The following FAM110B variants were observed in gnomAD, a reference collection of about 807,000 sequenced individuals.
FAM110B encodes the protein protein FAM110B.
In FAM110B, 6 loss-of-function variants were observed where a neutral mutation model predicts 20.4. The ratio of observed to expected loss-of-function variants is 0.29; its 90% CI spans 0.16 to 0.58. FAM110B has a LOEUF of 0.58. Ranked by LOEUF, FAM110B falls within the 20% of genes least tolerant of loss-of-function variation. The pLI, the probability that FAM110B is intolerant of heterozygous loss-of-function variation, is 0.90. For synonymous variants in FAM110B, 226 were observed against 214.1 expected, an observed-to-expected ratio of 1.06 and a Z score of -0.49; for missense variants, 434 against 498.2, an observed-to-expected ratio of 0.87 and a Z score of 1.23.
chr8:58,076,388 GA>G (rs1336549710), intron 3 of FAM110B, among the ~76,000 whole-genome samples: 1 of 152,186 alleles, frequency 6.6e-6, no homozygotes, highest in Non-Finnish European at 1.5e-5. Context: ...CAAGAGAGCA[GA>G]ACTTAAATTC....
At chr8:58,140,226 C>G (rs991225718) in intron 3 of FAM110B, among the ~76,000 whole-genome samples, 1 of 152,158 alleles carries the variant, frequency 6.6e-6, no homozygotes, top group Non-Finnish European at 1.5e-5. Flanking sequence ...TGCATCCTGT[C>G]TGTCTCCCAG....
intron 2 of FAM110B, among the ~76,000 whole-genome samples, chr8:58,052,232 C>G (rs1406166293): frequency 2.0e-5 from 3 of 152,142 alleles, no homozygotes; most frequent in Non-Finnish European, 2.9e-5. Flanking sequence ...TGCAGTGGAA[C>G]TTGAAATGAA....
chr8:58,098,022 A>G (rs1563369209), intron 3 of FAM110B, among the ~76,000 whole-genome samples: 1 of 152,232 alleles, frequency 6.6e-6, no homozygotes, highest in Admixed American at 6.5e-5. Context: ...CACGGGGGTC[A>G]GGGACCCACT....
chr8:58,137,379 G>A (rs2150639429), intron 3 of FAM110B, among the ~76,000 whole-genome samples: 1 of 152,258 alleles, frequency 6.6e-6, no homozygotes, highest in African/African-American at 2.4e-5. Context: ...GGCCAACATG[G>A]TAAAACCCCG....
chr8:58,044,470 A>G (rs16922937), intron 2 of FAM110B, among the ~76,000 whole-genome samples: 10,580 of 152,278 alleles, frequency 0.069, 544 homozygotes, highest in African/African-American at 0.14. Flanking sequence ...AAAATATGTT[A>G]TGTAGGAAAT....
At chr8:58,095,096 T>A (rs1806588028) in intron 3 of FAM110B, among the ~76,000 whole-genome samples, 1 of 152,286 alleles carries the variant, frequency 6.6e-6, no homozygotes, top group Admixed American at 6.5e-5. Context: ...GGTGGTGATA[T>A]CCCCTTTATC....
chr8:58,042,582 A>C (rs1805243546), intron 2 of FAM110B, among the ~76,000 whole-genome samples: 1 of 152,226 alleles, frequency 6.6e-6, no homozygotes, highest in Non-Finnish European at 1.5e-5. Context: ...ACTGTGGGAC[A>C]TTTTGGTACA....
Position 58,112,582 on chromosome 8 carries a change from G to T in FAM110B, c.-324-33325G>T, listed in dbSNP as rs116857465. Among the ~76,000 whole-genome samples the T allele has an allele frequency of 5.0e-3, 766 of 152,310 alleles. 5 individuals carry two copies. The highest frequency in any genetic ancestry group is 9.1e-3 in the Non-Finnish European group (622 of 68,024). On this transcript the variant is annotated intron_variant, in intron 3 of 3. Coordinates refer to ENST00000519262, the MANE Select transcript of FAM110B (RefSeq NM_001377989.1). The stretch of plus-strand genomic sequence containing the variant: ...TGACTTTTCCACAGTGCAAGATGGT[G>T]CTGAGGGTCCACTGGGCCACGCCCC...
chr8:58,097,303 C>G (rs61350768), intron 3 of FAM110B, among the ~76,000 whole-genome samples: 133 of 152,276 alleles, frequency 8.7e-4, no homozygotes, highest in African/African-American at 3.1e-3. Context: ...AAACATCAGT[C>G]TCTGATATCC....
At chr8:58,026,908 G>C (rs1804865899) in intron 1 of FAM110B, among the ~76,000 whole-genome samples, 1 of 152,102 alleles carries the variant, frequency 6.6e-6, no homozygotes, top group South Asian at 2.1e-4. Context: ...GTGATGAGGA[G>C]AGTTTGTCAA....
At chr8:58,060,955 G>A (rs987802734) in intron 2 of FAM110B, among the ~76,000 whole-genome samples, 4 of 152,094 alleles carry the variant, frequency 2.6e-5, no homozygotes, top group African/African-American at 9.7e-5. Context: ...AGAGAAGCCA[G>A]GATCCACTCT....
chr8:58,138,120 A>C (rs1258785311), intron 3 of FAM110B, among the ~76,000 whole-genome samples: 1 of 152,216 alleles, frequency 6.6e-6, no homozygotes, highest in Non-Finnish European at 1.5e-5. Context: ...AGCGGAAGTG[A>C]CAAGGTTTCT....
intron 2 of FAM110B, among the ~76,000 whole-genome samples, chr8:58,065,454 A>G (rs1805741311): frequency 6.6e-6 from 1 of 152,220 alleles, no homozygotes; most frequent in Non-Finnish European, 1.5e-5. Flanking sequence ...GAGGATGCCT[A>G]TTAACATCCG....
intron 3 of FAM110B, among the ~76,000 whole-genome samples, chr8:58,098,276 C>T (rs944404837): frequency 2.0e-5 from 3 of 152,218 alleles, no homozygotes; most frequent in African/African-American, 7.2e-5. Context: ...AGTCTGGCTA[C>T]AGCGGCTTTC....
intron 3 of FAM110B, among the ~76,000 whole-genome samples, chr8:58,092,951 G>C (rs1276587108): frequency 1.3e-5 from 2 of 152,110 alleles, no homozygotes; most frequent in Admixed American, 1.3e-4. Context: ...AACTGGCATG[G>C]GATGGTATCT....
At chr8:58,115,686 A>C (rs1807190697) in intron 3 of FAM110B, among the ~76,000 whole-genome samples, 1 of 152,152 alleles carries the variant, frequency 6.6e-6, no homozygotes. Flanking sequence ...GTCTTGAAGT[A>C]TCTAAGAGCA....
At chr8:58,006,962 A>G (rs949775124) in intron 1 of FAM110B, among the ~76,000 whole-genome samples, 1 of 138,060 alleles carries the variant, frequency 7.2e-6, no homozygotes, top group Non-Finnish European at 1.6e-5. Context: ...GTCAGCTGAT[A>G]TGGTGATTAT....
chr8:58,085,386 G>C (rs1187438112), intron 3 of FAM110B, among the ~76,000 whole-genome samples: 1 of 152,130 alleles, frequency 6.6e-6, no homozygotes, highest in Admixed American at 6.5e-5. Context: ...GGTGGCGGGT[G>C]CCTGTAATCC....
intron 1 of FAM110B, among the ~76,000 whole-genome samples, chr8:58,010,183 GTTTTT>G (rs34438201): frequency 1.4e-5 from 2 of 140,734 alleles, no homozygotes; most frequent in African/African-American, 2.6e-5. Context: ...CGCCCTGCTA[GTTTTT>G]TTTTTTTTTT....
Sources: allele counts gnomAD v4.1 joint callset (sites outside exome capture counted in the v4.1 genomes callset), GRCh38; gene constraint gnomAD v4.1.1; transcripts MANE v1.5; gene names NCBI Gene and HGNC (gene_info 2026-07-23, HGNC 2026-07-21).